Variants in SEPTIN10 observed in about 807,000 individuals in gnomAD.
SEPTIN10 encodes the protein septin-10.
Under a neutral mutation model 54.8 loss-of-function variants are expected in SEPTIN10, and 66 were observed. That is an observed-to-expected ratio of 1.21 (90% CI 0.99 to 1.48). The LOEUF is 1.48. Ranked by LOEUF, SEPTIN10 falls within the 40% of genes most tolerant of loss-of-function variation. The pLI, the probability that SEPTIN10 is intolerant of heterozygous loss-of-function variation, is 0.00. For synonymous variants in SEPTIN10, 161 were observed against 181.0 expected (o/e 0.89, Z 0.89); for missense variants, 620 against 545.6 (o/e 1.14, Z -1.36).
In SEPTIN10 at chr2:109,542,940, C is replaced by T. The variant is rs995247668; in HGVS notation, c.*1369G>A. On this transcript the variant is annotated 3_prime_UTR_variant, in exon 11 of 11. Coordinates refer to ENST00000397712, the MANE Select transcript of SEPTIN10 (RefSeq NM_144710.5). ...TAATTCAAATACATAATTAAATGAA[C>T]GTTTTTAAAATGAGAGTTTTCAGAA... is the stretch of plus-strand genomic sequence containing the variant. 5 of 152,190 alleles carry T rather than the reference C, an allele frequency of 3.3e-5. No homozygotes were observed. The highest frequency in any genetic ancestry group is 6.6e-5 in the Admixed American group (1 of 15,240). 9.4% of individuals were successfully genotyped at this position (152,190 alleles called of 1,614,324 possible). A position where few individuals can be genotyped will look rare whatever the true frequency, so the allele number is the denominator to read the frequency against.
At chr2:109,613,651 G>A (rs904858811) in intron 1 of SEPTIN10, 147 bp downstream of exon 1, 215 of 514,164 alleles carry the variant, frequency 4.2e-4, no homozygotes, top group Non-Finnish European at 5.7e-5. Flanking sequence ...CGGCCGCCGC[G>A]GAAGCCGGGG....
At chr2:109,595,178 C>T (rs543794813) in intron 1 of SEPTIN10, among the ~76,000 whole-genome samples, 2 of 152,320 alleles carry the variant, frequency 1.3e-5, no homozygotes, top group Admixed American at 6.5e-5. Context: ...TGAGCCCCCA[C>T]GCCCAGCCAA....
At chr2:109,580,913 A>G (rs977039612) in intron 4 of SEPTIN10, among the ~76,000 whole-genome samples, 1 of 152,212 alleles carries the variant, frequency 6.6e-6, no homozygotes, top group East Asian at 1.9e-4. Context: ...CCCAGACAGG[A>G]GTTCAAGGAG....
chr2:109,570,817 C>T (rs958652340), intron 5 of SEPTIN10, among the ~76,000 whole-genome samples: 8 of 152,084 alleles, frequency 5.3e-5, no homozygotes, highest in Non-Finnish European at 7.4e-5. Context: ...CCACCACACC[C>T]GGCCTGTATT....
chr2:109,545,427 A>G (rs1403878149), intron 10 of SEPTIN10: 6 of 1,536,078 alleles, frequency 3.9e-6, no homozygotes, highest in African/African-American at 1.4e-5. Flanking sequence ...CATGCTACTC[A>G]TGGCTGCCCC....
At chr2:109,549,696 A>G (rs1487138098) in intron 9 of SEPTIN10, among the ~76,000 whole-genome samples, 1 of 152,222 alleles carries the variant, frequency 6.6e-6, no homozygotes, top group East Asian at 1.9e-4. Context: ...AGACTCCAGG[A>G]GGATGCCTGA....
chr2:109,600,745 ACT>A (rs1311280572), intron 1 of SEPTIN10, among the ~76,000 whole-genome samples: 1 of 151,874 alleles, frequency 6.6e-6, no homozygotes, highest in East Asian at 1.9e-4. Context: ...AGTCCCCAAG[ACT>A]CTGCCCCATT....
At chr2:109,613,668 GGGCGGGCGGGGCC>G in intron 1 of SEPTIN10, 117 bp downstream of exon 1, 1 of 594,912 alleles carries the variant, frequency 1.7e-6, no homozygotes, top group Non-Finnish European at 2.4e-6. Flanking sequence ...GGGGAGCACT[GGGCGGGCGGGGCC>G]GGAGGGGGCG....
intron 2 of SEPTIN10, among the ~76,000 whole-genome samples, chr2:109,588,915 T>A (rs1693269046): frequency 7.5e-6 from 1 of 132,998 alleles, no homozygotes; most frequent in African/African-American, 2.8e-5. Context: ...TGAAATTGAG[T>A]CATAAAAATT....
intron 4 of SEPTIN10, among the ~76,000 whole-genome samples, chr2:109,580,389 AT>A (rs1690831953): frequency 6.6e-6 from 1 of 151,230 alleles, no homozygotes; most frequent in Admixed American, 6.6e-5. Context: ...TATATTAATG[AT>A]TCTTTAAAAA....
intron 1 of SEPTIN10, among the ~76,000 whole-genome samples, chr2:109,595,657 A>C (rs980667185): frequency 3.9e-5 from 6 of 152,242 alleles, no homozygotes; most frequent in African/African-American, 9.6e-5. Context: ...GTAGAAAAAA[A>C]ATCCCTAAAC....
intron 2 of SEPTIN10, among the ~76,000 whole-genome samples, chr2:109,592,729 G>A (rs957247656): frequency 2.7e-5 from 4 of 150,244 alleles, no homozygotes; most frequent in Admixed American, 2.0e-4. Flanking sequence ...GCAGTGAGCC[G>A]AGATCATGCC....
chr2:109,545,280 T>C, intron 10 of SEPTIN10: 3 of 1,417,750 alleles, frequency 2.1e-6, no homozygotes, highest in African/African-American at 2.9e-5. Flanking sequence ...CAGGGATACT[T>C]AAGTGGGAGA....
intron 1 of SEPTIN10, among the ~76,000 whole-genome samples, chr2:109,601,177 G>A (rs1052162293): frequency 6.6e-6 from 1 of 152,178 alleles, no homozygotes; most frequent in African/African-American, 2.4e-5. Flanking sequence ...CCTAGAGACT[G>A]GGGGATGAAA....
chr2:109,548,686 G>A (rs1279021991), intron 9 of SEPTIN10, among the ~76,000 whole-genome samples: 1 of 142,086 alleles, frequency 7.0e-6, no homozygotes, highest in African/African-American at 2.6e-5. Context: ...TGAGACAGGA[G>A]AATTGCCTGA....
At chr2:109,585,877 A>G in intron 2 of SEPTIN10, 39 bp from the exon 3 acceptor site, 1 of 1,542,400 alleles carries the variant, frequency 6.5e-7, no homozygotes, top group Non-Finnish European at 8.9e-7. Context: ...GCAATAAAAA[A>G]AACAACTTTG....
chr2:109,596,685 T>C (rs1695389818), intron 1 of SEPTIN10, among the ~76,000 whole-genome samples: 1 of 151,988 alleles, frequency 6.6e-6, no homozygotes, highest in African/African-American at 2.4e-5. Context: ...AAATAAAATA[T>C]AGGTTAAATT....
At chr2:109,545,234 T>A in intron 10 of SEPTIN10, 1 of 985,418 alleles carries the variant, frequency 1.0e-6, no homozygotes, top group Non-Finnish European at 1.2e-6. Context: ...GAACAAGGCA[T>A]GATGAATTTC....
chr2:109,562,776 G>A (rs1280015663), intron 8 of SEPTIN10, among the ~76,000 whole-genome samples: 2 of 152,152 alleles, frequency 1.3e-5, no homozygotes, highest in African/African-American at 2.4e-5. Flanking sequence ...AAACACTAGG[G>A]AAGCTAACTC....
Sources: gnomAD v4.1 joint callset for allele counts (sites outside exome capture counted in the v4.1 genomes callset) on GRCh38, gnomAD v4.1.1 for gene constraint, MANE v1.5 for transcripts, NCBI Gene and HGNC (gene_info 2026-07-23, HGNC 2026-07-21) for gene names.